FAR2: variants seen among roughly 807,000 people sequenced by gnomAD.
FAR2 encodes epididymis secretory protein Li 81.
A neutral mutation model predicts 56.0 loss-of-function variants in FAR2; 19 were observed. The observed-to-expected ratio is 0.34, with a 90% confidence interval of 0.24 to 0.50. FAR2 has a LOEUF of 0.50. FAR2 is among the 20% of genes least tolerant of loss of function. FAR2 has a pLI of 0.98. For synonymous variants in FAR2, 219 were observed against 218.8 expected, an observed-to-expected ratio of 1.00 and a Z score of -0.01; for missense variants, 508 against 642.2, an observed-to-expected ratio of 0.79 and a Z score of 2.26.
At chr12:29,173,686 C>T (rs561203683) in intron 1 of FAR2, among the ~76,000 whole-genome samples, 24 of 152,192 alleles carry the variant, frequency 1.6e-4, no homozygotes, top group African/African-American at 4.8e-4. Context: ...AAGGGTAAGC[C>T]GGTTGATACC....
At chr12:29,318,602 G>A (rs1205540503) in intron 9 of FAR2, among the ~76,000 whole-genome samples, 1 of 152,130 alleles carries the variant, frequency 6.6e-6, no homozygotes, top group Non-Finnish European at 1.5e-5. Context: ...ACCCTTTCCT[G>A]CTCCAGGTGT....
intron 1 of FAR2, among the ~76,000 whole-genome samples, chr12:29,236,735 G>A (rs923366017): frequency 5.3e-5 from 8 of 151,702 alleles, no homozygotes; most frequent in African/African-American, 1.9e-4. Context: ...AATTCCAGAT[G>A]AGATTTGGGT....
intron 1 of FAR2, among the ~76,000 whole-genome samples, chr12:29,236,510 T>C (rs1051483990): frequency 1.3e-5 from 2 of 152,110 alleles, no homozygotes; most frequent in African/African-American, 4.8e-5. Flanking sequence ...CTTACAATCA[T>C]GGTGAAAGGG....
intron 10 of FAR2, among the ~76,000 whole-genome samples, chr12:29,325,158 A>T (rs1209211392): frequency 6.6e-6 from 1 of 152,232 alleles, no homozygotes; most frequent in African/African-American, 2.4e-5. Flanking sequence ...AAAGAAGGCC[A>T]TTACATAATG....
At chr12:29,203,072 G>A (rs1265363431) in intron 1 of FAR2, among the ~76,000 whole-genome samples, 3 of 152,090 alleles carry the variant, frequency 2.0e-5, no homozygotes, top group African/African-American at 7.2e-5. Flanking sequence ...ATAAGACCCT[G>A]AGAATTTATG....
intron 1 of FAR2, among the ~76,000 whole-genome samples, chr12:29,191,474 C>T (rs967660310): frequency 2.6e-5 from 4 of 152,170 alleles, no homozygotes; most frequent in African/African-American, 9.7e-5. Context: ...ACAGTAAGGC[C>T]GGTTAGACGA....
In FAR2 at chr12:29,314,633, G is replaced by C. The variant is rs747405637; in HGVS notation, c.956-2208G>C. ...TCACCCCTCCCCTTCCTGGCACCCA[G>C]ACAGAGCTAGAGGCTTCTTTTGTCT... On this transcript the variant is annotated intron_variant, in intron 8 of 11. Coordinates refer to ENST00000536681, the MANE Select transcript of FAR2 (RefSeq NM_001271783.2). Among the ~76,000 whole-genome samples, 197 of 152,090 alleles carry C rather than the reference G, an allele frequency of 1.3e-3. 1 individual carries two copies. The highest frequency in any genetic ancestry group is 1.6e-3 in the Non-Finnish European group (106 of 67,984).
chr12:29,287,265 A>G lies in FAR2; in HGVS notation c.190-6035A>G, dbSNP rs147910503. On this transcript the variant is annotated intron_variant, in intron 2 of 11. Coordinates refer to ENST00000536681, the MANE Select transcript of FAR2 (RefSeq NM_001271783.2). Reference sequence around the variant, plus strand: ...TGCTATATGCCGAAAGTTGACAGCCATACTACTACACCATGCTGCCTTATG... The same window carrying G: ...TGCTATATGCCGAAAGTTGACAGCCGTACTACTACACCATGCTGCCTTATG... 1.7e-3 allele frequency among the ~76,000 whole-genome samples: 258 copies of G among 152,364 alleles called. 1 individual carries two copies. The highest frequency in any genetic ancestry group is 6.1e-3 in the African/African-American group (252 of 41,590).
intron 1 of FAR2, among the ~76,000 whole-genome samples, chr12:29,229,783 AAG>A (rs947717240): frequency 6.6e-6 from 1 of 152,210 alleles, no homozygotes; most frequent in Admixed American, 6.5e-5. Context: ...GTCACAAAAA[AAG>A]AGTATATGGA....
rs554068276 is a variant in FAR2 at position 29,191,641 on chromosome 12, T to C, written c.-39+42234T>C. Among the ~76,000 whole-genome samples, 4 of 152,354 alleles carry C rather than the reference T, an allele frequency of 2.6e-5. No homozygotes were observed. In the East Asian group the frequency reaches 7.7e-4, roughly 29 times the overall value. ...TCTCTGTTTGTGTATACTCTGAGGA[T>C]GGTTACCACTGAAGTGTTAAGTGGC... On this transcript the variant is annotated intron_variant, in intron 1 of 11. Coordinates refer to ENST00000536681, the MANE Select transcript of FAR2 (RefSeq NM_001271783.2).
chr12:29,155,594 A>T (rs12820515), intron 1 of FAR2, among the ~76,000 whole-genome samples: 2,342 of 152,334 alleles, frequency 0.015, 43 homozygotes, highest in African/African-American at 0.048. Context: ...TTTAAAACTT[A>T]GAAAAAATCA....
In FAR2 at chr12:29,250,584, A is replaced by G. The variant is rs548563353; in HGVS notation, c.-38-19828A>G. ...GGTCTAGAAATAGAATAATTTTTGA[A>G]AGATGGCATTATTTCAGTAATGAAC... On this transcript the variant is annotated intron_variant, in intron 1 of 11. Coordinates refer to ENST00000536681, the MANE Select transcript of FAR2 (RefSeq NM_001271783.2). 2.6e-5 allele frequency among the ~76,000 whole-genome samples: 4 copies of G among 152,324 alleles called. No homozygotes were observed. The South Asian group carries it at 8.3e-4, about 32-fold the overall frequency.
intron 10 of FAR2, among the ~76,000 whole-genome samples, chr12:29,326,430 C>T (rs1373499547): frequency 6.8e-6 from 1 of 146,920 alleles, no homozygotes; most frequent in South Asian, 2.2e-4. Context: ...GATACCAAAG[C>T]CTGGCAGAGA....
chr12:29,206,353 G>A (rs1591850911), intron 1 of FAR2, among the ~76,000 whole-genome samples: 1 of 152,206 alleles, frequency 6.6e-6, no homozygotes, highest in South Asian at 2.1e-4. Context: ...CAAATACTTG[G>A]CTCATCTGTG....
At chr12:29,236,606 T>C (rs1006822084) in intron 1 of FAR2, among the ~76,000 whole-genome samples, 1 of 151,880 alleles carries the variant, frequency 6.6e-6, no homozygotes, top group African/African-American at 2.4e-5. Context: ...AACCATCAGA[T>C]CTCATGAGAA....
At chr12:29,222,053 T>G (rs1248784525) in intron 1 of FAR2, among the ~76,000 whole-genome samples, 1 of 152,134 alleles carries the variant, frequency 6.6e-6, no homozygotes, top group Non-Finnish European at 1.5e-5. Flanking sequence ...TTCACCATGT[T>G]GGGCAGGCTG....
chr12:29,276,975 T>G (rs1285358047), intron 2 of FAR2, among the ~76,000 whole-genome samples: 2 of 152,040 alleles, frequency 1.3e-5, no homozygotes, highest in East Asian at 3.9e-4. Flanking sequence ...ACGTTTTTTA[T>G]AAAATATTTA....
intron 1 of FAR2, among the ~76,000 whole-genome samples, chr12:29,178,360 G>A (rs915005558): frequency 1.3e-5 from 2 of 152,218 alleles, no homozygotes; most frequent in African/African-American, 4.8e-5. Flanking sequence ...TTGGGAGGCT[G>A]AGGTGGGCAG....
chr12:29,275,151 G>C (rs369895136), intron 2 of FAR2, among the ~76,000 whole-genome samples: 8,906 of 151,014 alleles, frequency 0.059, 765 homozygotes, highest in African/African-American at 0.19. Flanking sequence ...GGCGGGCTGA[G>C]TCCGAAAAGA....
Sources: allele counts gnomAD v4.1 joint callset (sites outside exome capture counted in the v4.1 genomes callset), GRCh38; gene constraint gnomAD v4.1.1; transcripts MANE v1.5; gene names NCBI Gene and HGNC (gene_info 2026-07-23, HGNC 2026-07-21).